The following DLGAP2 variants were observed in gnomAD, a reference collection of about 807,000 sequenced individuals.
The protein encoded by DLGAP2 is DLG associated protein 2.
DLGAP2 carries 26 observed loss-of-function variants against 100.3 expected under a neutral mutation model. That is an observed-to-expected ratio of 0.26 (90% CI 0.19 to 0.36). DLGAP2 has a LOEUF of 0.36. Among genes scored for constraint, DLGAP2 ranks in the 10% least tolerant of loss-of-function variants. DLGAP2 has a pLI of 1.00. For synonymous variants in DLGAP2, 886 were observed against 630.1 expected, an observed-to-expected ratio of 1.41 and a Z score of -6.08; for missense variants, 1,858 against 1,453.2, an observed-to-expected ratio of 1.28 and a Z score of -4.53.
chr8:1,555,020 C>G (rs1801911783), intron 5 of DLGAP2, among the ~76,000 whole-genome samples: 2 of 152,188 alleles, frequency 1.3e-5, no homozygotes, highest in Non-Finnish European at 2.9e-5. Flanking sequence ...GTGCTCCACT[C>G]TAATGCACGT....
intron 8 of DLGAP2, among the ~76,000 whole-genome samples, chr8:1,655,809 CTG>C (rs1798270548): frequency 6.6e-6 from 1 of 152,204 alleles, no homozygotes; most frequent in South Asian, 2.1e-4. Flanking sequence ...GCTTCATGTG[CTG>C]TGTTAGAACA....
chr8:1,141,202 A>G (rs7822337), intron 2 of DLGAP2, among the ~76,000 whole-genome samples: 69,749 of 151,962 alleles, frequency 0.46, 17,711 homozygotes, highest in Non-Finnish European at 0.58. Context: ...TCCAAAGCAG[A>G]TGTGGGAGTG....
At chr8:1,293,405 A>G (rs890145184) in intron 3 of DLGAP2, among the ~76,000 whole-genome samples, 2 of 151,190 alleles carry the variant, frequency 1.3e-5, no homozygotes, top group Non-Finnish European at 2.9e-5. Flanking sequence ...CTTCCCTGGC[A>G]GCAGCAGGCT....
At chr8:1,351,814 C>A (rs1187725390) in intron 3 of DLGAP2, among the ~76,000 whole-genome samples, 4 of 52,634 alleles carry the variant, frequency 7.6e-5, no homozygotes, top group Non-Finnish European at 1.1e-4. Context: ...GCGCGTCCTG[C>A]GTGTGGCGTG....
intron 2 of DLGAP2, among the ~76,000 whole-genome samples, chr8:1,242,381 G>T (rs547783873): frequency 3.3e-5 from 5 of 152,316 alleles, no homozygotes; most frequent in Admixed American, 6.5e-5. Flanking sequence ...CATGGAATGG[G>T]CAAGGCCCCA....
In DLGAP2 at chr8:1,433,738, C is replaced by CTTTTTT. The variant is rs3052055; in HGVS notation, c.107-67615_107-67610dup. On this transcript the variant is annotated intron_variant, in intron 3 of 14. Transcript: ENST00000637795. ...AAATACACAGATGAGGCAAAACTGG[C>CTTTTTT]TTTTTTTTTTTTTTTTTTGCTAGGA... Among the ~76,000 whole-genome samples the CTTTTTT allele has an allele frequency of 4.0e-4, 50 of 124,194 alleles. 2 individuals carry two copies. The highest frequency in any genetic ancestry group is 5.2e-4 in the African/African-American group (17 of 32,538). The allele number at this position is 124,194 out of a possible 152,430, so 81.5% of individuals were successfully genotyped here. A position where few individuals can be genotyped will look rare whatever the true frequency, so the allele number is the denominator to read the frequency against.
At position 1,703,940 on chromosome 8, in the gene DLGAP2, G is replaced by A. The variant is rs1441321208; in HGVS notation, c.*2534G>A. On this transcript the variant is annotated 3_prime_UTR_variant, in exon 15 of 15. Transcript: ENST00000637795. Reference sequence around the variant, plus strand: ...CATGTTCCAAAGAAGATGATTTAATGGTAGAACGGATACCTGCTGCTAGAC... The same window carrying A: ...CATGTTCCAAAGAAGATGATTTAATAGTAGAACGGATACCTGCTGCTAGAC... 6.6e-6 allele frequency: 1 copy of A among 152,604 alleles called. No homozygotes were observed. Among genetic ancestry groups the A allele is most frequent in the African/African-American group, 2.4e-5 (1 of 41,440 alleles). 9.5% of individuals were successfully genotyped at this position (152,604 alleles called of 1,614,324 possible).
chr8:1,662,132 C>G (rs371045048), intron 8 of DLGAP2, among the ~76,000 whole-genome samples: 39 of 152,362 alleles, frequency 2.6e-4, no homozygotes, highest in African/African-American at 8.9e-4. Context: ...TCCCACACAC[C>G]TTTCCTATGA....
intron 3 of DLGAP2, among the ~76,000 whole-genome samples, chr8:1,457,438 C>T (rs1798346432): frequency 6.6e-6 from 1 of 152,128 alleles, no homozygotes; most frequent in South Asian, 2.1e-4. Context: ...TGTATTCCAG[C>T]ATATTTATCT....
chr8:1,380,472 C>G (rs1487864125), intron 3 of DLGAP2, among the ~76,000 whole-genome samples: 3 of 152,208 alleles, frequency 2.0e-5, no homozygotes, highest in African/African-American at 7.2e-5. Flanking sequence ...ACTCACCCCT[C>G]CAGTTGCCAG....
chr8:916,869 G>C (rs1798604710), intron 2 of DLGAP2, among the ~76,000 whole-genome samples: 1 of 152,144 alleles, frequency 6.6e-6, no homozygotes, highest in Non-Finnish European at 1.5e-5. Context: ...TGAGCTCCTA[G>C]AGAGCTGCGT....
intron 1 of DLGAP2, among the ~76,000 whole-genome samples, chr8:834,880 TAAAAAC>T (rs1174187156): frequency 6.6e-6 from 1 of 152,148 alleles, no homozygotes; most frequent in Non-Finnish European, 1.5e-5. Flanking sequence ...CGTTTAAAAA[TAAAAAC>T]AAAAACAAAC....
intron 3 of DLGAP2, among the ~76,000 whole-genome samples, chr8:1,266,441 A>C (rs944889832): frequency 6.6e-6 from 1 of 152,166 alleles, no homozygotes; most frequent in African/African-American, 2.4e-5. Flanking sequence ...AGCTCCAAGA[A>C]TCCCTCTCCC....
intron 3 of DLGAP2, among the ~76,000 whole-genome samples, chr8:1,376,319 C>T (rs1014124004): frequency 1.1e-4 from 17 of 152,240 alleles, no homozygotes; most frequent in Non-Finnish European, 2.1e-4. Context: ...TCTTCTCACT[C>T]CATCAGCCAG....
intron 2 of DLGAP2, among the ~76,000 whole-genome samples, chr8:1,180,577 A>T (rs1016832778): frequency 6.1e-5 from 9 of 148,596 alleles, no homozygotes; most frequent in Non-Finnish European, 1.1e-4. Flanking sequence ...ATCGTGTGCA[A>T]TGGCAGCACA....
intron 13 of DLGAP2, among the ~76,000 whole-genome samples, chr8:1,694,915 A>G (rs1585071786): frequency 6.6e-6 from 1 of 152,098 alleles, no homozygotes; most frequent in East Asian, 1.9e-4. Flanking sequence ...TTCAGATGCA[A>G]CCACCTCCCC....
At chr8:938,318 C>G (rs1799117513) in intron 2 of DLGAP2, among the ~76,000 whole-genome samples, 1 of 152,168 alleles carries the variant, frequency 6.6e-6, no homozygotes, top group African/African-American at 2.4e-5. Context: ...CTTCCTCCGT[C>G]TCTGGGTAGC....
At chr8:1,343,703 G>T (rs1012360905) in intron 3 of DLGAP2, among the ~76,000 whole-genome samples, 6 of 128,646 alleles carry the variant, frequency 4.7e-5, no homozygotes, top group Non-Finnish European at 7.0e-5. Context: ...TTGCATCTGG[G>T]GGGTCGTGGG....
rs145906045 is a variant in DLGAP2, at chr8:1,452,727, G to C, written c.107-48639G>C. ...CAGCTGAGCTGTCGCCTCCACAGCA[G>C]CCGGGGTCAGGCTGGGTCAGTGGTT... On this transcript the variant is annotated intron_variant, in intron 3 of 14. Transcript: ENST00000637795. Among the ~76,000 whole-genome samples the C allele has an allele frequency of 1.1e-4, 16 of 152,224 alleles. No individual in the cohort carries two copies. The East Asian group carries it at 2.9e-3, about 28-fold the overall frequency.
Sources: gnomAD v4.1 joint callset for allele counts (sites outside exome capture counted in the v4.1 genomes callset) on GRCh38, gnomAD v4.1.1 for gene constraint, MANE v1.5 for transcripts, NCBI Gene and HGNC (gene_info 2026-07-23, HGNC 2026-07-21) for gene names.